LRRC69: variants seen among roughly 807,000 people sequenced by gnomAD.
The protein encoded by LRRC69 is leucine-rich repeat-containing protein 69.
In LRRC69, 42 loss-of-function variants were observed where a neutral mutation model predicts 37.8. The observed-to-expected ratio is 1.11, with a 90% confidence interval of 0.87 to 1.44. LRRC69 has a LOEUF of 1.44. Among genes scored for constraint, LRRC69 ranks in the 40% most tolerant of loss-of-function variants. The pLI, the probability that LRRC69 is intolerant of heterozygous loss-of-function variation, is 0.00. For synonymous variants in LRRC69, 141 were observed against 143.1 expected (o/e 0.99, Z 0.11); for missense variants, 357 against 401.9 (o/e 0.89, Z 0.96).
rs1384015492 is a variant in LRRC69, at chr8:91,200,607, A to G, written c.754-6A>G. 3 of 1,430,528 alleles carry G rather than the reference A, an allele frequency of 2.1e-6. No homozygotes were observed. The highest frequency in any genetic ancestry group is 1.5e-5 in the South Asian group (1 of 65,012). The allele number at this position is 1,430,528 out of a possible 1,614,324, so 88.6% of individuals were successfully genotyped here. ...CTGAGGAACTGTATTTTTTTTTTCA[A>G]TTTAGGAAATAACATCAAGATTTGT... On this transcript the variant is annotated splice_region_variant and splice_polypyrimidine_tract_variant and intron_variant, in intron 6 of 7. Coordinates refer to ENST00000448384, the Ensembl canonical transcript of LRRC69.
At chr8:91,214,627 A>C (rs916569818) in intron 7 of LRRC69, among the ~76,000 whole-genome samples, 1 of 152,224 alleles carries the variant, frequency 6.6e-6, no homozygotes, top group East Asian at 1.9e-4. Flanking sequence ...TAATTTCCTC[A>C]TTTGGACAAT....
At chr8:91,161,647 A>G (rs534006386) in intron 5 of LRRC69, among the ~76,000 whole-genome samples, 2 of 150,996 alleles carry the variant, frequency 1.3e-5, no homozygotes, top group Admixed American at 1.3e-4. Flanking sequence ...CTCCTTTTTC[A>G]TTTCTAATTT....
intron 1 of LRRC69, among the ~76,000 whole-genome samples, chr8:91,116,373 A>T (rs1813510985): frequency 6.6e-6 from 1 of 152,058 alleles, no homozygotes; most frequent in Non-Finnish European, 1.5e-5. Flanking sequence ...AAGATCACAT[A>T]TTCAGTACAT....
chr8:91,123,523 C>G (rs1372136794), intron 1 of LRRC69, among the ~76,000 whole-genome samples: 1 of 151,898 alleles, frequency 6.6e-6, no homozygotes, highest in Non-Finnish European at 1.5e-5. Flanking sequence ...TGTCTTACAT[C>G]CATAACAAGT....
At chr8:91,137,863 T>A (rs1321447160) in intron 5 of LRRC69, among the ~76,000 whole-genome samples, 1 of 151,990 alleles carries the variant, frequency 6.6e-6, no homozygotes, top group Admixed American at 6.6e-5. Context: ...TGATTATCAG[T>A]GAAAGAGAGT....
chr8:91,200,686 A>T, exon 7 of LRRC69: 1 of 1,527,806 alleles, frequency 6.5e-7, no homozygotes, highest in Non-Finnish European at 8.8e-7. Flanking sequence ...ATAGAACGGT[A>T]CCCACAAGTC....
chr8:91,176,134 A>ATATATATATATT lies in LRRC69; in HGVS notation c.652-13387_652-13386insATATATATATTT. Among the ~76,000 whole-genome samples the ATATATATATATT allele has an allele frequency of 3.1e-3, 234 of 75,676 alleles. 1 individual carries two copies. Among genetic ancestry groups the ATATATATATATT allele is most frequent in the African/African-American group, 0.013 (206 of 16,406 alleles). The allele number at this position is 75,676 out of a possible 152,430, so 49.6% of individuals were successfully genotyped here. On this transcript the variant is annotated intron_variant, in intron 5 of 7. Transcript: ENST00000448384. ...ATCCCTCATATATATATATATATAT[A>ATATATATATATT]TTTTTTTTTTTTCTTTTTTTTGAGA...
At chr8:91,149,183 C>T (rs1487443680) in intron 5 of LRRC69, among the ~76,000 whole-genome samples, 3 of 151,856 alleles carry the variant, frequency 2.0e-5, no homozygotes. Context: ...AATGGTATTG[C>T]CTAGGTTTTC....
chr8:91,167,104 T>C (rs2130574800), intron 5 of LRRC69, among the ~76,000 whole-genome samples: 1 of 151,940 alleles, frequency 6.6e-6, no homozygotes, highest in African/African-American at 2.4e-5. Flanking sequence ...ACTCAGTGAG[T>C]ACTACAGGAG....
chr8:91,152,314 A>C (rs1018456419), intron 5 of LRRC69, among the ~76,000 whole-genome samples: 1 of 151,660 alleles, frequency 6.6e-6, no homozygotes, highest in Non-Finnish European at 1.5e-5. Flanking sequence ...CATAAGGTGT[A>C]AGGAAGGGGT....
chr8:91,183,390 T>G (rs868416121), intron 5 of LRRC69, among the ~76,000 whole-genome samples: 14 of 152,140 alleles, frequency 9.2e-5, no homozygotes, highest in African/African-American at 3.4e-4. Context: ...TGAACATATT[T>G]AAGAGATATT....
At chr8:91,141,001 C>T (rs77170494) in intron 5 of LRRC69, among the ~76,000 whole-genome samples, 4,997 of 151,972 alleles carry the variant, frequency 0.033, 296 homozygotes, top group African/African-American at 0.11. Context: ...TTTTCTTTAT[C>T]GTGTGTTCAC....
chr8:91,213,714 G>A (rs1469781115), intron 7 of LRRC69, among the ~76,000 whole-genome samples: 1 of 152,158 alleles, frequency 6.6e-6, no homozygotes, highest in Non-Finnish European at 1.5e-5. Flanking sequence ...TTTGGGAAGT[G>A]CCTAGAAACA....
At chr8:91,138,147 C>T (rs1010840214) in intron 5 of LRRC69, among the ~76,000 whole-genome samples, 2 of 151,686 alleles carry the variant, frequency 1.3e-5, no homozygotes, top group African/African-American at 4.8e-5. Flanking sequence ...TAGTTGGTTT[C>T]CAGGAATAGA....
chr8:91,193,197 A>G (rs1411456321), intron 6 of LRRC69, among the ~76,000 whole-genome samples: 1 of 128,710 alleles, frequency 7.8e-6, no homozygotes, highest in Non-Finnish European at 1.7e-5. Context: ...GTTCTGTTCC[A>G]TTGATCTATA....
intron 1 of LRRC69, among the ~76,000 whole-genome samples, chr8:91,116,963 C>T (rs147081414): frequency 6.6e-6 from 1 of 152,020 alleles, no homozygotes; most frequent in Non-Finnish European, 1.5e-5. Flanking sequence ...TGCCTCATAT[C>T]CAAGATGTAA....
chr8:91,198,091 T>G (rs940458913), intron 6 of LRRC69, among the ~76,000 whole-genome samples: 6 of 152,208 alleles, frequency 3.9e-5, no homozygotes, highest in African/African-American at 1.4e-4. Context: ...AACTATGATA[T>G]GGGTTATGCC....
chr8:91,142,738 C>T (rs1373430985), intron 5 of LRRC69, among the ~76,000 whole-genome samples: 1 of 152,002 alleles, frequency 6.6e-6, no homozygotes, highest in African/African-American at 2.4e-5. Context: ...GGAACAGTGG[C>T]AGAGGTTGAA....
intron 5 of LRRC69, among the ~76,000 whole-genome samples, chr8:91,144,314 C>G (rs1808580130): frequency 6.6e-6 from 1 of 151,972 alleles, no homozygotes; most frequent in South Asian, 2.1e-4. Context: ...ACTCTGCTTT[C>G]TATTCCCCAT....
Sources: allele counts gnomAD v4.1 joint callset (sites outside exome capture counted in the v4.1 genomes callset), GRCh38; gene constraint gnomAD v4.1.1; transcripts MANE v1.5; gene names NCBI Gene and HGNC (gene_info 2026-07-23, HGNC 2026-07-21).